AOX1: variants seen among roughly 807,000 people sequenced by gnomAD.
The protein encoded by AOX1 is aldehyde oxidase.
A neutral mutation model predicts 169.5 loss-of-function variants in AOX1; 153 were observed. The ratio of observed to expected loss-of-function variants is 0.90; its 90% CI spans 0.79 to 1.03. The LOEUF is 1.03. AOX1 is among the 50% of genes least tolerant of loss of function. AOX1 has a pLI of 0.00. For missense variants in AOX1, 1,656 were observed against 1,663.9 expected (o/e 1.00, Z 0.08); for synonymous variants, 562 against 581.9 (o/e 0.97, Z 0.49).
At chr2:200,597,595 G>T (rs1358137132) in intron 4 of AOX1, 90 bp downstream of exon 4, 13 of 882,392 alleles carry the variant, frequency 1.5e-5, no homozygotes, top group Non-Finnish European at 2.2e-5. Context: ...GAGCAGCCTG[G>T]GGCCTGCTGG....
At chr2:200,675,577 G>C (rs796116098), downstream of AOX1, among the ~76,000 whole-genome samples, 33 of 152,276 alleles carry the variant, frequency 2.2e-4, no homozygotes, top group African/African-American at 7.9e-4. Context: ...TCCAACTCCA[G>C]GAATTTGTCC....
intron 32 of AOX1, among the ~76,000 whole-genome samples, chr2:200,668,329 A>C (rs112517852): frequency 0.025 from 3,819 of 152,092 alleles, 84 homozygotes; most frequent in Non-Finnish European, 0.04. Flanking sequence ...GGCTGGTCTC[A>C]AACTCCCAAC....
chr2:200,642,683 G>A lies in AOX1; in HGVS notation c.2729G>A (p.Cys910Tyr), dbSNP rs201245462. ...AATCTCCGCTGCCGGGGTTGGGCAT[G>A]CAGAACCAACCTTCCATCCAACACA... The part of the protein sequence containing the change: ...FPNLRCRGWA[C>Y]RTNLPSNTAF... Residue 910 changes from cysteine (C) to tyrosine (Y), a missense_variant, in exon 25 of 35, where the codon TGC becomes TAC. Transcript: ENST00000374700. 12 of 1,614,042 alleles carry A rather than the reference G, an allele frequency of 7.4e-6. No homozygotes were observed. The highest frequency in any genetic ancestry group is 1.0e-5 in the Non-Finnish European group (12 of 1,180,022).
Position 200,603,982 on chromosome 2 carries a change from C to G in AOX1, c.589-35C>G, listed in dbSNP as rs753332584. The G allele has an allele frequency of 2.1e-6, 3 of 1,399,820 alleles. No individual in the cohort carries two copies. The South Asian group carries it at 3.5e-5, about 16-fold the overall frequency. The allele number at this position is 1,399,820 out of a possible 1,614,324, so 86.7% of individuals were successfully genotyped here. ...TTCCACAAAGGATTTTAAAGTTGCT[C>G]GATAACAGTAATTTCTGATATGTTC... On this transcript the variant is annotated intron_variant, in intron 7 of 34. Coordinates refer to ENST00000374700, the MANE Select transcript of AOX1 (RefSeq NM_001159.4).
Position 200,636,160 on chromosome 2 carries a change from G to A in AOX1, c.2347-751G>A, listed in dbSNP as rs190987828. Among the ~76,000 whole-genome samples, 588 of 111,972 alleles carry A rather than the reference G, an allele frequency of 5.3e-3. 8 individuals are homozygous for A. Among genetic ancestry groups the A allele is most frequent in the African/African-American group, 0.017 (492 of 28,514 alleles). The allele number at this position is 111,972 out of a possible 152,430, so 73.5% of individuals were successfully genotyped here. ...TTTTTTTTTTTTGAGACAGAGTCTC[G>A]CTTGGTCACCCAGGCTGGAGTGCAG... On this transcript the variant is annotated intron_variant, in intron 21 of 34. Transcript: ENST00000374700.
At chr2:200,677,550 A>T (rs535416806), downstream of AOX1, among the ~76,000 whole-genome samples, 1 of 152,234 alleles carries the variant, frequency 6.6e-6, no homozygotes, top group Non-Finnish European at 1.5e-5. Context: ...GCAAATAATT[A>T]CAAAACTTTT....
At chr2:200,593,989 G>T (rs1168948641) in intron 2 of AOX1, among the ~76,000 whole-genome samples, 2 of 152,180 alleles carry the variant, frequency 1.3e-5, no homozygotes, top group Non-Finnish European at 2.9e-5. Flanking sequence ...CAAGATAGAA[G>T]GTAGGAGTTT....
rs550159370 is a variant in AOX1 at position 200,632,071 on chromosome 2, A to G, written c.2222-2720A>G. On this transcript the variant is annotated intron_variant, in intron 20 of 34. Transcript: ENST00000374700. ...TGAGGGAATCCTCAATTTGCAAATC[A>G]CTATTGCTGAGTAAATTTTTAATTT... 1.6e-4 allele frequency among the ~76,000 whole-genome samples: 24 copies of G among 152,156 alleles called. No individual in the cohort carries two copies. The East Asian group carries it at 3.9e-3, about 24-fold the overall frequency.
chr2:200,641,199 G>A lies in AOX1; in HGVS notation c.2655+15G>A, dbSNP rs149707278. 1,328 of 1,551,632 alleles carry A rather than the reference G, an allele frequency of 8.6e-4. 9 individuals are homozygous for A. In the Middle Eastern group the frequency reaches 9.1e-3, roughly 11 times the overall value. ...AATCATTATTCGTAAGTGTTTTAAG[G>A]AGCAAGTTCACATTCCTGAAAAGAG... On this transcript the variant is annotated intron_variant, in intron 24 of 34. Coordinates refer to ENST00000374700, the MANE Select transcript of AOX1 (RefSeq NM_001159.4).
chr2:200,603,193 G>T, intron 6 of AOX1, 74 bp from the exon 7 acceptor site: 1 of 1,156,774 alleles, frequency 8.6e-7, no homozygotes, highest in Non-Finnish European at 1.3e-6. Context: ...TGTTTCAACT[G>T]GCATTCACCT....
At chr2:200,633,153 A>G (rs1033328920) in intron 20 of AOX1, among the ~76,000 whole-genome samples, 7 of 152,118 alleles carry the variant, frequency 4.6e-5, no homozygotes, top group African/African-American at 1.4e-4. Context: ...AGCTTTCAAC[A>G]TGGTGCTTTT....
chr2:200,671,396 T>A lies in AOX1; in HGVS notation c.*717T>A, dbSNP rs1378518983. ...GTATGGTAGTTCTATTTTTAGTTTT[T>A]ACCCTAACTACTCTGACTTGATCAT... On this transcript the variant is annotated 3_prime_UTR_variant, in exon 35 of 35. Coordinates refer to ENST00000374700, the MANE Select transcript of AOX1 (RefSeq NM_001159.4). 2 of 152,230 alleles carry A rather than the reference T, an allele frequency of 1.3e-5. No homozygotes were observed. The highest frequency in any genetic ancestry group is 2.4e-5 in the African/African-American group (1 of 41,456). The allele number at this position is 152,230 out of a possible 1,614,324, so 9.4% of individuals were successfully genotyped here.
chr2:200,612,177 G>GA (rs2034654170), intron 13 of AOX1, among the ~76,000 whole-genome samples: 2 of 152,080 alleles, frequency 1.3e-5, no homozygotes, highest in Non-Finnish European at 1.5e-5. Flanking sequence ...GAACTTATTG[G>GA]AAAAAACATG....
At chr2:200,629,733 T>C (rs1236874214) in intron 20 of AOX1, among the ~76,000 whole-genome samples, 4 of 152,152 alleles carry the variant, frequency 2.6e-5, no homozygotes, top group Non-Finnish European at 1.5e-5. Context: ...AATATCAATA[T>C]TTAGGGGGGT....
At chr2:200,611,587 G>A in intron 13 of AOX1, 94 bp downstream of exon 13, 1 of 816,924 alleles carries the variant, frequency 1.2e-6, no homozygotes. Context: ...AGGGTGAAGT[G>A]TTTATGTGGG....
rs752088394 is a variant in AOX1, at chr2:200,603,404, G to A, written c.588+48G>A. 2.8e-6 allele frequency: 4 copies of A among 1,453,188 alleles called. No individual in the cohort carries two copies. In the Admixed American group the frequency reaches 5.1e-5, roughly 18 times the overall value. 90.0% of individuals were successfully genotyped at this position (1,453,188 alleles called of 1,614,324 possible). A position where few individuals can be genotyped will look rare whatever the true frequency, so the allele number is the denominator to read the frequency against. ...ATAAGGCTTTCTCAGGACATGAACAGGAGCCAACATACTCTTAGGAAGAAC... is the reference window on the plus strand; with the variant it reads ...ATAAGGCTTTCTCAGGACATGAACAAGAGCCAACATACTCTTAGGAAGAAC... On this transcript the variant is annotated intron_variant, in intron 7 of 34. Coordinates refer to ENST00000374700, the MANE Select transcript of AOX1 (RefSeq NM_001159.4).
intron 25 of AOX1, 25 bp downstream of exon 25, chr2:200,642,826 C>T: frequency 6.3e-7 from 1 of 1,598,040 alleles, no homozygotes; most frequent in Non-Finnish European, 8.5e-7. Flanking sequence ...GCTTCACAGA[C>T]AAAACATGTG....
intron 20 of AOX1, among the ~76,000 whole-genome samples, chr2:200,631,539 A>T (rs1331330754): frequency 6.6e-6 from 1 of 152,168 alleles, no homozygotes; most frequent in East Asian, 1.9e-4. Flanking sequence ...TGCCTGGAGG[A>T]ATCACTCCTA....
At chr2:200,651,304 G>C (rs74720180) in intron 26 of AOX1, 103 bp downstream of exon 26, 1 of 964,084 alleles carries the variant, frequency 1.0e-6, no homozygotes, top group African/African-American at 1.6e-5. Flanking sequence ...CCATATGGTT[G>C]CAATGCCCAA....
Sources: gnomAD v4.1 joint callset for allele counts (sites outside exome capture counted in the v4.1 genomes callset) on GRCh38, gnomAD v4.1.1 for gene constraint, MANE v1.5 for transcripts, NCBI Gene and HGNC (gene_info 2026-07-23, HGNC 2026-07-21) for gene names.